Variants in CSMD3 observed in about 807,000 individuals in gnomAD.
The protein encoded by CSMD3 is CUB and Sushi multiple domains 3.
CSMD3 carries 177 observed loss-of-function variants against 435.2 expected under a neutral mutation model. The ratio of observed to expected loss-of-function variants is 0.41; its 90% confidence interval spans 0.36 to 0.46. The LOEUF is 0.46. Among genes scored for constraint, CSMD3 ranks in the 20% least tolerant of loss-of-function variants. CSMD3 has a pLI of 0.34. For missense variants in CSMD3, 4,265 were observed against 4,504.6 expected, an observed-to-expected ratio of 0.95 and a Z score of 1.52; for synonymous variants, 1,656 against 1,520.5, an observed-to-expected ratio of 1.09 and a Z score of -2.07.
At chr8:113,417,403 T>C (rs1303924936) in intron 1 of CSMD3, among the ~76,000 whole-genome samples, 1 of 151,914 alleles carries the variant, frequency 6.6e-6, no homozygotes. Flanking sequence ...AAAATAAAAC[T>C]AGTACAAAAG....
At chr8:113,049,112 G>A (rs952195689) in intron 5 of CSMD3, among the ~76,000 whole-genome samples, 2 of 152,204 alleles carry the variant, frequency 1.3e-5, no homozygotes, top group East Asian at 3.9e-4. Flanking sequence ...GGTGGTGGGT[G>A]CCTGTAATCC....
At chr8:112,328,603 T>C (rs1032342616) in intron 45 of CSMD3, among the ~76,000 whole-genome samples, 1 of 152,154 alleles carries the variant, frequency 6.6e-6, no homozygotes, top group African/African-American at 2.4e-5. Flanking sequence ...TCTGATTTGG[T>C]TCTGTGTCCT....
chr8:112,487,853 T>C (rs1820292704), intron 31 of CSMD3, among the ~76,000 whole-genome samples: 1 of 152,196 alleles, frequency 6.6e-6, no homozygotes, highest in African/African-American at 2.4e-5. Context: ...AGTGAGATTA[T>C]GGATAAGAAT....
chr8:112,703,277 C>A (rs1052104522), intron 13 of CSMD3, among the ~76,000 whole-genome samples: 3 of 151,964 alleles, frequency 2.0e-5, no homozygotes, highest in Non-Finnish European at 4.4e-5. Context: ...CCCTGCTGTG[C>A]AGGCAAAGAA....
At chr8:113,107,395 T>C (rs1271310497) in intron 4 of CSMD3, among the ~76,000 whole-genome samples, 2 of 152,222 alleles carry the variant, frequency 1.3e-5, no homozygotes, top group Non-Finnish European at 2.9e-5. Flanking sequence ...GTGCAAGCCA[T>C]CAGGCCCAGT....
At chr8:112,713,132 TG>T (rs2076646497) in intron 13 of CSMD3, among the ~76,000 whole-genome samples, 1 of 151,904 alleles carries the variant, frequency 6.6e-6, no homozygotes, top group African/African-American at 2.4e-5. Flanking sequence ...GCAGCCCACC[TG>T]AGAGCCACAT....
chr8:113,419,028 T>C (rs528716103), intron 1 of CSMD3, among the ~76,000 whole-genome samples: 1 of 152,182 alleles, frequency 6.6e-6, no homozygotes, highest in Admixed American at 6.5e-5. Flanking sequence ...GTTCATTGGA[T>C]GGGAGGTAAA....
intron 32 of CSMD3, among the ~76,000 whole-genome samples, chr8:112,460,940 C>A (rs1267583171): frequency 6.6e-6 from 1 of 152,022 alleles, no homozygotes; most frequent in Non-Finnish European, 1.5e-5. Flanking sequence ...GTGATGTGCA[C>A]CATATGTTTG....
intron 22 of CSMD3, among the ~76,000 whole-genome samples, chr8:112,588,281 C>T (rs756632839): frequency 6.6e-6 from 1 of 151,436 alleles, no homozygotes. Flanking sequence ...ATTGCTTTAC[C>T]TTTTAAATGC....
chr8:112,616,084 A>C (rs1833639575), intron 22 of CSMD3, among the ~76,000 whole-genome samples: 5 of 152,100 alleles, frequency 3.3e-5, no homozygotes, highest in Admixed American at 2.6e-4. Context: ...CTCGAGTCAG[A>C]ATACCTGAGT....
intron 4 of CSMD3, among the ~76,000 whole-genome samples, chr8:113,107,926 T>C (rs2090529598): frequency 6.6e-6 from 1 of 152,196 alleles, no homozygotes; most frequent in Non-Finnish European, 1.5e-5. Flanking sequence ...AGTGAATTTA[T>C]TGAATTAAAC....
chr8:113,284,719 G>T (rs2093634012), intron 2 of CSMD3, among the ~76,000 whole-genome samples: 1 of 152,070 alleles, frequency 6.6e-6, no homozygotes, highest in Non-Finnish European at 1.5e-5. Flanking sequence ...TTATAGATAA[G>T]TATGCTATTT....
At chr8:113,084,936 ATCTC>A (rs953217002) in intron 5 of CSMD3, among the ~76,000 whole-genome samples, 2 of 152,042 alleles carry the variant, frequency 1.3e-5, no homozygotes, top group African/African-American at 2.4e-5. Flanking sequence ...TTAGACCCAT[ATCTC>A]TCTCTATTTA....
intron 10 of CSMD3, among the ~76,000 whole-genome samples, chr8:112,868,398 A>G (rs1397746336): frequency 6.6e-6 from 1 of 152,226 alleles, no homozygotes; most frequent in Non-Finnish European, 1.5e-5. Context: ...GTTTATTATC[A>G]TAATAAAATA....
intron 27 of CSMD3, among the ~76,000 whole-genome samples, chr8:112,537,114 A>G (rs778391514): frequency 2.0e-4 from 30 of 152,072 alleles, no homozygotes; most frequent in Non-Finnish European, 4.3e-4. Context: ...GCACATGTAT[A>G]CATACGTAAC....
intron 3 of CSMD3, among the ~76,000 whole-genome samples, chr8:113,275,895 G>C (rs1327371806): frequency 6.6e-6 from 1 of 151,948 alleles, no homozygotes; most frequent in Non-Finnish European, 1.5e-5. Flanking sequence ...AAGATGTCCA[G>C]GTTAGTAGAT....
intron 42 of CSMD3, among the ~76,000 whole-genome samples, chr8:112,338,568 T>C (rs1748881373): frequency 6.6e-6 from 1 of 152,148 alleles, no homozygotes; most frequent in Admixed American, 6.5e-5. Flanking sequence ...CAAAGACTAC[T>C]TCTCTACCAA....
At chr8:113,378,856 C>T (rs935608504) in intron 1 of CSMD3, among the ~76,000 whole-genome samples, 1 of 151,690 alleles carries the variant, frequency 6.6e-6, no homozygotes, top group African/African-American at 2.4e-5. Context: ...GTGCAGAAGA[C>T]AGCTCTTCAT....
chr8:113,321,540 A>G (rs2093949471), intron 1 of CSMD3, among the ~76,000 whole-genome samples: 1 of 151,998 alleles, frequency 6.6e-6, no homozygotes, highest in Non-Finnish European at 1.5e-5. Context: ...TTCTGTTTCT[A>G]ATATTTATTA....
Sources: allele counts gnomAD v4.1 joint callset (sites outside exome capture counted in the v4.1 genomes callset), GRCh38; gene constraint gnomAD v4.1.1; transcripts MANE v1.5; gene names NCBI Gene and HGNC (gene_info 2026-07-23, HGNC 2026-07-21).